LRP8: variants seen among roughly 807,000 people sequenced by gnomAD.
LRP8 encodes low-density lipoprotein receptor-related protein 8.
In LRP8, 46 loss-of-function variants were observed where a neutral mutation model predicts 111.6. The observed-to-expected ratio is 0.41, with a 90% CI of 0.33 to 0.53. The LOEUF (loss-of-function observed/expected upper bound fraction) is 0.53, where lower values mean the gene tolerates loss of function less well. LRP8 is among the 20% of genes least tolerant of loss of function. LRP8 has a pLI of 0.20. For missense variants in LRP8, 959 were observed against 1,297.4 expected (o/e 0.74, Z 4.01); for synonymous variants, 464 against 511.2 (o/e 0.91, Z 1.24).
intron 10 of LRP8, among the ~76,000 whole-genome samples, chr1:53,263,538 C>T (rs6668172): frequency 0.38 from 58,448 of 151,952 alleles, 11,999 homozygotes; most frequent in East Asian, 0.7. Flanking sequence ...ACTCCCAAAA[C>T]TGAGGGGTGG....
At chr1:53,316,727 G>A (rs1481586364) in intron 2 of LRP8, among the ~76,000 whole-genome samples, 1 of 152,370 alleles carries the variant, frequency 6.6e-6, no homozygotes, top group East Asian at 1.9e-4. Context: ...GACCCCAAGA[G>A]GGGCAAGCAT....
intron 6 of LRP8, chr1:53,274,588 G>T: frequency 2.4e-6 from 1 of 420,646 alleles, no homozygotes; most frequent in Non-Finnish European, 4.8e-6. Flanking sequence ...CAAAGAGAGG[G>T]TCAGAGCAGA....
chr1:53,283,383 C>T (rs551504315), intron 3 of LRP8, among the ~76,000 whole-genome samples: 60 of 152,130 alleles, frequency 3.9e-4, no homozygotes, highest in African/African-American at 1.4e-3. Flanking sequence ...TCCGGGGGTG[C>T]CATTCACAAA....
chr1:53,251,192 G>C (rs1237320510), intron 16 of LRP8, among the ~76,000 whole-genome samples: 3 of 152,184 alleles, frequency 2.0e-5, no homozygotes, highest in Admixed American at 2.0e-4. Context: ...GGCAGGGACT[G>C]TGTCTTTTTT....
Position 53,293,274 on chromosome 1 carries a change from T to G in LRP8, c.245-3585A>C, listed in dbSNP as rs529767431. On this transcript the variant is annotated intron_variant, in intron 2 of 18. Transcript: ENST00000306052. This position sits in a 1 kb window ranked among gnomAD's most constrained non-coding sequence, Gnocchi z 4.9. ...CACCACTGCTGTCCCAAAGGGCAGC[T>G]TTGAGGTCAGCCCCGCCCAGGAAAT... is the stretch of plus-strand genomic sequence containing the variant. Among the ~76,000 whole-genome samples, 13 of 152,256 alleles carry G rather than the reference T, an allele frequency of 8.5e-5. No individual in the cohort carries two copies. The highest frequency in any genetic ancestry group is 3.1e-4 in the African/African-American group (13 of 41,552).
intron 2 of LRP8, among the ~76,000 whole-genome samples, chr1:53,298,996 T>C (rs116775968): frequency 0.012 from 1,902 of 152,220 alleles, 39 homozygotes; most frequent in African/African-American, 0.043. Context: ...CCCCACTAAC[T>C]GTAAGTGGGA....
chr1:53,295,784 C>A (rs1038594730), intron 2 of LRP8, among the ~76,000 whole-genome samples: 1 of 152,180 alleles, frequency 6.6e-6, no homozygotes, highest in Non-Finnish European at 1.5e-5. Context: ...GCTTGTTTAA[C>A]CAAGGAACTC....
At chr1:53,252,582 A>G (rs977862135) in intron 16 of LRP8, among the ~76,000 whole-genome samples, 4 of 152,166 alleles carry the variant, frequency 2.6e-5, no homozygotes, top group African/African-American at 9.7e-5. Flanking sequence ...ATAAAAATAC[A>G]TTCGTAATAG....
chr1:53,276,222 T>C (rs1241711401), intron 5 of LRP8, among the ~76,000 whole-genome samples: 1 of 151,020 alleles, frequency 6.6e-6, no homozygotes, highest in Non-Finnish European at 1.5e-5. Flanking sequence ...AGAGCAAGGG[T>C]GAGGAATGCT....
In LRP8 at chr1:53,266,896, T is replaced by C; in HGVS notation, c.1253-249A>G. The C allele has an allele frequency of 4.4e-6, 2 of 454,024 alleles. No homozygotes were observed. The highest frequency in any genetic ancestry group is 8.1e-6 in the Non-Finnish European group (2 of 247,864). 28.1% of individuals were successfully genotyped at this position (454,024 alleles called of 1,614,324 possible). Reference sequence around the variant, plus strand: ...ATACAAACTTCTCCAAAATCTTTTATGGCTCCCCATTTTCTCCTTAGGCCT... The same window carrying C: ...ATACAAACTTCTCCAAAATCTTTTACGGCTCCCCATTTTCTCCTTAGGCCT... On this transcript the variant is annotated intron_variant, in intron 8 of 18. Transcript: ENST00000306052. This position sits in a 1 kb window ranked among gnomAD's most constrained non-coding sequence, Gnocchi z 5.0.
chr1:53,321,363 G>T (rs1654488466), intron 2 of LRP8, among the ~76,000 whole-genome samples: 1 of 152,138 alleles, frequency 6.6e-6, no homozygotes, highest in Admixed American at 6.5e-5. Flanking sequence ...TAGGCCTGGG[G>T]CTGCAAGGCC....
intron 6 of LRP8, among the ~76,000 whole-genome samples, chr1:53,274,499 C>G (rs1572507766): frequency 6.6e-6 from 1 of 152,356 alleles, no homozygotes; most frequent in East Asian, 1.9e-4. Flanking sequence ...TGGACAAGCT[C>G]TTAGCACTTT....
At chr1:53,251,346 A>G (rs1275226168) in intron 16 of LRP8, among the ~76,000 whole-genome samples, 2 of 152,038 alleles carry the variant, frequency 1.3e-5, no homozygotes, top group East Asian at 3.9e-4. Context: ...TTCTCTCCCA[A>G]AACTGGGGGG....
Position 53,263,717 on chromosome 1 carries a change from A to G in LRP8, c.1655+452T>C, listed in dbSNP as rs146617402. ...ATGTTTTATGTAACTCCAGAGGCCA[A>G]TGGAGGAAGTTGCAGGGAGATAGAT... On this transcript the variant is annotated intron_variant, in intron 10 of 18. Transcript: ENST00000306052. Among the ~76,000 whole-genome samples the G allele has an allele frequency of 4.7e-4, 72 of 152,330 alleles. 2 individuals carry two copies. In the East Asian group the frequency reaches 0.012, roughly 25 times the overall value.
At chr1:53,306,453 C>T (rs1431797817) in intron 2 of LRP8, among the ~76,000 whole-genome samples, 4 of 151,958 alleles carry the variant, frequency 2.6e-5, no homozygotes, top group Non-Finnish European at 1.5e-5. Flanking sequence ...TGGTATGGTA[C>T]CAAGGAGAAC....
chr1:53,252,696 A>G (rs1250543964), intron 16 of LRP8, among the ~76,000 whole-genome samples: 1 of 152,224 alleles, frequency 6.6e-6, no homozygotes, highest in Admixed American at 6.5e-5. Flanking sequence ...GACTGAAATA[A>G]ATAGGCCACA....
chr1:53,320,731 C>G lies in LRP8; in HGVS notation c.244+6142G>C, dbSNP rs1572696773. ...GGGTCTCCAGAGAACAGGGTCCCTC[C>G]CCAGTCCCACTCCCCAGGTCAGAAA... On this transcript the variant is annotated intron_variant, in intron 2 of 18. Coordinates refer to ENST00000306052, the MANE Select transcript of LRP8 (RefSeq NM_004631.5). Among the ~76,000 whole-genome samples the G allele has an allele frequency of 2.0e-5, 3 of 152,250 alleles. No homozygotes were observed. In the East Asian group the frequency reaches 5.8e-4, roughly 29 times the overall value.
At position 53,260,744 on chromosome 1, in the gene LRP8, G is replaced by A. The variant is rs182056071; in HGVS notation, c.1915-139C>T. ...CTGTCCTGTCTATGGATTCACGGTG[G>A]GGCTCTCAGCCTCTAATCTGTGATG... On this transcript the variant is annotated intron_variant, in intron 12 of 18. Transcript: ENST00000306052. 68 of 775,352 alleles carry A rather than the reference G, an allele frequency of 8.8e-5. No homozygotes were observed. The African/African-American group carries it at 1.1e-3, about 12-fold the overall frequency. 48.0% of individuals were successfully genotyped at this position (775,352 alleles called of 1,614,324 possible).
Position 53,327,783 on chromosome 1 carries a change from A to G in LRP8, c.124+6T>C, listed in dbSNP as rs1488319574. 22 of 1,509,736 alleles carry G rather than the reference A, an allele frequency of 1.5e-5. No individual in the cohort carries two copies. Among genetic ancestry groups the G allele is most frequent in the Non-Finnish European group, 1.9e-5 (22 of 1,134,500 alleles). 93.5% of individuals were successfully genotyped at this position (1,509,736 alleles called of 1,614,324 possible). The stretch of plus-strand genomic sequence containing the variant: ...CAGAGCCGAGTCAGAGACCGGCTGC[A>G]CGCACCTTGGCCGCCGAGCAGCGGA... On this transcript the variant is annotated splice_donor_region_variant and intron_variant, in intron 1 of 18. Coordinates refer to ENST00000306052, the MANE Select transcript of LRP8 (RefSeq NM_004631.5).
Sources: allele counts gnomAD v4.1 joint callset (sites outside exome capture counted in the v4.1 genomes callset), GRCh38; gene constraint gnomAD v4.1.1; non-coding constraint Gnocchi (gnomAD v3.1); transcripts MANE v1.5; gene names NCBI Gene and HGNC (gene_info 2026-07-23, HGNC 2026-07-21).